The following KCNH5 variants were observed in gnomAD, a reference collection of about 807,000 sequenced individuals.
KCNH5 encodes potassium voltage-gated channel subfamily H member 5.
KCNH5 carries 46 observed loss-of-function variants against 96.1 expected under a neutral mutation model. That is an observed-to-expected ratio of 0.48 (90% CI 0.38 to 0.61). KCNH5 has a LOEUF of 0.61. Among genes scored for constraint, KCNH5 ranks in the 20% least tolerant of loss-of-function variants. The pLI, the probability that KCNH5 is intolerant of heterozygous loss-of-function variation, is 0.00. For synonymous variants in KCNH5, 439 were observed against 449.8 expected, an observed-to-expected ratio of 0.98 and a Z score of 0.30; for missense variants, 907 against 1,225.8, an observed-to-expected ratio of 0.74 and a Z score of 3.88.
intron 8 of KCNH5, among the ~76,000 whole-genome samples, chr14:62,840,568 T>TTC (rs1887563085): frequency 2.4e-5 from 1 of 42,078 alleles, no homozygotes; most frequent in African/African-American, 1.9e-4. Context: ...TTTTTTTTCT[T>TTC]TTTTTTTTTT....
intron 7 of KCNH5, among the ~76,000 whole-genome samples, chr14:62,929,952 A>G (rs1364054679): frequency 6.6e-6 from 1 of 152,104 alleles, no homozygotes; most frequent in Admixed American, 6.6e-5. Context: ...AGTTGCTGCA[A>G]AAGACATGAT....
Position 62,987,071 on chromosome 14 carries a change from C to T in KCNH5, c.549+1G>A, listed in dbSNP as rs1202186009. On this transcript the variant is annotated splice_donor_variant, in intron 5 of 10. Coordinates refer to ENST00000322893, the MANE Select transcript of KCNH5 (RefSeq NM_139318.5). LOFTEE classifies it high-confidence loss of function. ...GGAAGCAAAATTCATCTCATACTTACTTCAGCTAGTCTTGAATGTTTATGG... is the reference window on the plus strand; with the variant it reads ...GGAAGCAAAATTCATCTCATACTTATTTCAGCTAGTCTTGAATGTTTATGG... 2 of 1,605,798 alleles carry T rather than the reference C, an allele frequency of 1.2e-6. No individual in the cohort carries two copies. The highest frequency in any genetic ancestry group is 8.5e-7 in the Non-Finnish European group (1 of 1,172,652).
At chr14:62,711,689 G>T (rs1302770806) in intron 10 of KCNH5, among the ~76,000 whole-genome samples, 1 of 152,190 alleles carries the variant, frequency 6.6e-6, no homozygotes, top group Non-Finnish European at 1.5e-5. Flanking sequence ...TCCCCTCTTT[G>T]CTCCTTGCCC....
At chr14:62,987,421 A>G (rs1311938572) in intron 4 of KCNH5, among the ~76,000 whole-genome samples, 1 of 152,186 alleles carries the variant, frequency 6.6e-6, no homozygotes, top group East Asian at 1.9e-4. Context: ...ATATCTGTGT[A>G]TAGTCCCTGT....
At chr14:62,765,090 G>T (rs1214224317) in intron 10 of KCNH5, among the ~76,000 whole-genome samples, 3 of 152,092 alleles carry the variant, frequency 2.0e-5, no homozygotes, top group Admixed American at 6.6e-5. Context: ...AAAGAACAAG[G>T]CTGGAGGAAT....
intron 7 of KCNH5, among the ~76,000 whole-genome samples, chr14:62,916,110 G>A (rs978428237): frequency 6.6e-5 from 10 of 151,766 alleles, no homozygotes; most frequent in Admixed American, 2.0e-4. Flanking sequence ...CCGCCACTAC[G>A]CCCGGCTAAT....
intron 7 of KCNH5, among the ~76,000 whole-genome samples, chr14:62,928,130 G>A (rs1254289938): frequency 1.3e-5 from 2 of 152,050 alleles, no homozygotes; most frequent in Non-Finnish European, 2.9e-5. Flanking sequence ...TCCAATAGGA[G>A]ACCAGTGAAC....
chr14:63,009,899 A>C (rs919037020), intron 2 of KCNH5, among the ~76,000 whole-genome samples: 4 of 152,232 alleles, frequency 2.6e-5, no homozygotes, highest in African/African-American at 9.6e-5. Context: ...AATTATAGAA[A>C]TAGTAATCAA....
chr14:62,979,438 T>A (rs1566728856), intron 6 of KCNH5, among the ~76,000 whole-genome samples: 1 of 152,022 alleles, frequency 6.6e-6, no homozygotes, highest in Non-Finnish European at 1.5e-5. Context: ...GGGGAAATAA[T>A]ATTTATATTA....
intron 10 of KCNH5, among the ~76,000 whole-genome samples, chr14:62,713,082 T>A (rs1180468680): frequency 6.6e-6 from 1 of 152,216 alleles, no homozygotes; most frequent in Non-Finnish European, 1.5e-5. Context: ...CTTTGCTAAC[T>A]GCTATATCTC....
intron 9 of KCNH5, among the ~76,000 whole-genome samples, chr14:62,781,521 G>A (rs114646236): frequency 4.3e-4 from 65 of 152,248 alleles, no homozygotes; most frequent in Middle Eastern, 3.4e-3. Context: ...AGTCTCGACC[G>A]TAAGAGACGG....
chr14:63,003,847 C>A (rs571111863), intron 3 of KCNH5, among the ~76,000 whole-genome samples: 1 of 151,334 alleles, frequency 6.6e-6, no homozygotes, highest in Non-Finnish European at 1.5e-5. Flanking sequence ...GTCTCGATTT[C>A]CTGACCTCGT....
At position 62,780,013 on chromosome 14, in the gene KCNH5, C is replaced by A; in HGVS notation, c.1823-89G>T. ...TATTCAGTTTCATATACAGTATTGA[C>A]CTTCTAGCATAATTTAGAGCTGAGG... On this transcript the variant is annotated intron_variant, in intron 9 of 10. Transcript: ENST00000322893. The A allele has an allele frequency of 3.7e-6, 4 of 1,072,894 alleles. No individual in the cohort carries two copies. In the South Asian group the frequency reaches 7.7e-5, roughly 21 times the overall value. 66.5% of individuals were successfully genotyped at this position (1,072,894 alleles called of 1,614,324 possible). A position where few individuals can be genotyped will look rare whatever the true frequency, so the allele number is the denominator to read the frequency against.
chr14:62,915,951 CT>C (rs1039693919), intron 7 of KCNH5, among the ~76,000 whole-genome samples: 63 of 138,546 alleles, frequency 4.5e-4, no homozygotes, highest in Middle Eastern at 3.6e-3. Flanking sequence ...CTTTTTTTTT[CT>C]TTTTTTTCTT....
chr14:63,011,107 G>A (rs1429780192), intron 2 of KCNH5, among the ~76,000 whole-genome samples: 1 of 152,154 alleles, frequency 6.6e-6, no homozygotes, highest in Middle Eastern at 3.2e-3. Flanking sequence ...TTAATGGGAG[G>A]TGGACTGAGA....
chr14:62,823,530 T>A (rs1887156529), intron 8 of KCNH5, among the ~76,000 whole-genome samples: 1 of 152,036 alleles, frequency 6.6e-6, no homozygotes, highest in Non-Finnish European at 1.5e-5. Context: ...TTAACTTAAT[T>A]ATGATCCCCA....
intron 7 of KCNH5, among the ~76,000 whole-genome samples, chr14:62,877,783 G>C (rs143807402): frequency 6.6e-6 from 1 of 151,912 alleles, no homozygotes; most frequent in African/African-American, 2.4e-5. Flanking sequence ...GGAAGTCAGT[G>C]TGGTGATTCC....
At chr14:62,777,938 G>C (rs534637664) in intron 10 of KCNH5, among the ~76,000 whole-genome samples, 2 of 151,978 alleles carry the variant, frequency 1.3e-5, no homozygotes, top group African/African-American at 4.8e-5. Context: ...GTCCCTCCTT[G>C]GCCCCTTGCA....
intron 7 of KCNH5, among the ~76,000 whole-genome samples, chr14:62,943,991 G>A (rs2140125401): frequency 6.6e-6 from 1 of 152,270 alleles, no homozygotes; most frequent in East Asian, 1.9e-4. Flanking sequence ...GGACCCTGCT[G>A]ACATAGGAGG....
Sources: allele counts gnomAD v4.1 joint callset (sites outside exome capture counted in the v4.1 genomes callset), GRCh38; gene constraint gnomAD v4.1.1; transcripts MANE v1.5; gene names NCBI Gene and HGNC (gene_info 2026-07-23, HGNC 2026-07-21).